PCDH7: variants seen among roughly 807,000 people sequenced by gnomAD.
PCDH7 encodes protocadherin-7.
PCDH7 carries 17 observed loss-of-function variants against 58.9 expected under a neutral mutation model. The observed-to-expected ratio is 0.29, with a 90% CI of 0.20 to 0.43. The LOEUF is 0.43. PCDH7 is among the 20% of genes least tolerant of loss of function. The pLI is 1.00. For synonymous variants in PCDH7, 664 were observed against 616.4 expected (o/e 1.08, Z -1.14); for missense variants, 1,274 against 1,441.0 (o/e 0.88, Z 1.88).
chr4:30,861,968 T>G (rs2109354875), intron 1 of PCDH7, among the ~76,000 whole-genome samples: 1 of 152,208 alleles, frequency 6.6e-6, no homozygotes, highest in African/African-American at 2.4e-5. Flanking sequence ...CATGGGAAAA[T>G]ATAATCCTAC....
At chr4:31,139,243 T>C (rs1416068782) in intron 3 of PCDH7, among the ~76,000 whole-genome samples, 1 of 152,138 alleles carries the variant, frequency 6.6e-6, no homozygotes, top group Non-Finnish European at 1.5e-5. Context: ...AAAAATTCTC[T>C]AAGGAACTGG....
chr4:31,050,395 C>T (rs1756637284), intron 3 of PCDH7, among the ~76,000 whole-genome samples: 1 of 151,768 alleles, frequency 6.6e-6, no homozygotes, highest in African/African-American at 2.4e-5. Context: ...TTACATGACA[C>T]AATAATTGTA....
At chr4:30,800,215 G>A (rs1283521451) in intron 1 of PCDH7, among the ~76,000 whole-genome samples, 1 of 151,942 alleles carries the variant, frequency 6.6e-6, no homozygotes, top group Non-Finnish European at 1.5e-5. Context: ...CCTAATGTCA[G>A]TGTGGGGTCA....
chr4:30,850,878 A>C (rs182432733), intron 1 of PCDH7, among the ~76,000 whole-genome samples: 26 of 152,182 alleles, frequency 1.7e-4, no homozygotes, highest in African/African-American at 6.3e-4. Flanking sequence ...TGTTCTTCGG[A>C]TACCAGGCTG....
rs16884113 is a variant in PCDH7 at position 30,812,885 on chromosome 4, T to C, written c.70+88289T>C. ...CTAAGTAAACATGCACATATTAAAT[T>C]CTCTAACTGTCATAAATATAATCAG... On this transcript the variant is annotated intron_variant, in intron 1 of 3. Coordinates refer to the PCDH7 transcript ENST00000509759. Among the ~76,000 whole-genome samples the C allele has an allele frequency of 9.5e-3, 1,454 of 152,316 alleles. 31 individuals carry two copies. Among genetic ancestry groups the C allele is most frequent in the African/African-American group, 0.034 (1,396 of 41,576 alleles).
chr4:31,078,905 A>G (rs1309536198), intron 3 of PCDH7, among the ~76,000 whole-genome samples: 1 of 151,924 alleles, frequency 6.6e-6, no homozygotes, highest in Non-Finnish European at 1.5e-5. Flanking sequence ...AGAAGTTACA[A>G]AATAGGTCCA....
chr4:30,855,399 A>G (rs1733327805), intron 1 of PCDH7, among the ~76,000 whole-genome samples: 1 of 152,088 alleles, frequency 6.6e-6, no homozygotes, highest in Non-Finnish European at 1.5e-5. Flanking sequence ...TGTGATTGTG[A>G]CATGTACACT....
chr4:30,721,893 G>T lies in PCDH7; in HGVS notation c.471G>T (p.Pro157=), dbSNP rs1247278942. The T allele has an allele frequency of 1.9e-6, 3 of 1,591,566 alleles. No individual in the cohort carries two copies. Among genetic ancestry groups the T allele is most frequent in the African/African-American group, 1.3e-5 (1 of 74,592 alleles). Residue 157 remains proline (P), a synonymous_variant, in exon 1 of 2, where the codon CCG becomes CCT. Transcript: ENST00000361762. This position sits in a 1 kb window ranked among gnomAD's most constrained non-coding sequence, Gnocchi z 6.7. ...CGCTCACGGTGGAGGAGAATCGGCC[G>T]GTGGGCACACTTTACCTGCTGCCCA... is the stretch of plus-strand genomic sequence containing the variant.
chr4:31,054,796 A>G (rs973574729), intron 3 of PCDH7, among the ~76,000 whole-genome samples: 2 of 152,120 alleles, frequency 1.3e-5, no homozygotes, highest in Non-Finnish European at 2.9e-5. Context: ...TTTTGTTGGT[A>G]TCGTTCAGGT....
At chr4:30,824,623 G>T (rs1174459874) in intron 1 of PCDH7, among the ~76,000 whole-genome samples, 3 of 152,032 alleles carry the variant, frequency 2.0e-5, no homozygotes, top group African/African-American at 7.2e-5. Flanking sequence ...CTATGATCAA[G>T]AGTACGGTTT....
chr4:30,969,333 A>G (rs1749332034), intron 3 of PCDH7, among the ~76,000 whole-genome samples: 1 of 152,180 alleles, frequency 6.6e-6, no homozygotes, highest in African/African-American at 2.4e-5. Flanking sequence ...ATTTCTTGAT[A>G]AGAAAGAAGC....
At chr4:30,825,485 C>T (rs1199073975) in intron 1 of PCDH7, among the ~76,000 whole-genome samples, 2 of 152,114 alleles carry the variant, frequency 1.3e-5, no homozygotes, top group Non-Finnish European at 2.9e-5. Flanking sequence ...TAAGGAACTA[C>T]TTCATCAAAA....
At chr4:31,046,621 T>C (rs1756313642) in intron 3 of PCDH7, among the ~76,000 whole-genome samples, 1 of 152,058 alleles carries the variant, frequency 6.6e-6, no homozygotes, top group Non-Finnish European at 1.5e-5. Flanking sequence ...TTTTAAAGCA[T>C]TTCCAAAAGT....
chr4:31,015,500 T>C (rs541798330), intron 3 of PCDH7, among the ~76,000 whole-genome samples: 2 of 152,228 alleles, frequency 1.3e-5, no homozygotes, highest in South Asian at 4.1e-4. Context: ...AAAATACATA[T>C]ATAAAAATCA....
rs141387856 is a variant in PCDH7 at position 30,804,584 on chromosome 4, T to G, written c.70+79988T>G. Among the ~76,000 whole-genome samples the G allele has an allele frequency of 3.3e-3, 498 of 151,776 alleles. 3 individuals are homozygous for G. The highest frequency in any genetic ancestry group is 0.011 in the African/African-American group (472 of 41,416). ...GGCATAGGTATATTTTGAAATGAGT[T>G]TAAGTTTTATTCTGCCATGTGAGGA... is the stretch of plus-strand genomic sequence containing the variant. On this transcript the variant is annotated intron_variant, in intron 1 of 3. Transcript: ENST00000509759.
At chr4:31,106,810 C>T (rs1715635840) in intron 3 of PCDH7, among the ~76,000 whole-genome samples, 1 of 152,128 alleles carries the variant, frequency 6.6e-6, no homozygotes, top group African/African-American at 2.4e-5. Context: ...GGATAGTATT[C>T]TATTTCTGGA....
chr4:30,764,177 G>GGA (rs1411566294), intron 1 of PCDH7, among the ~76,000 whole-genome samples: 3 of 152,108 alleles, frequency 2.0e-5, no homozygotes, highest in African/African-American at 7.2e-5. Flanking sequence ...TATGTGTCCA[G>GGA]GAGAGAATCC....
chr4:31,138,228 C>T (rs934166273), intron 3 of PCDH7, among the ~76,000 whole-genome samples: 3 of 152,186 alleles, frequency 2.0e-5, no homozygotes, highest in Admixed American at 6.5e-5. Flanking sequence ...TCCATCTACC[C>T]TGCCTAGTAA....
chr4:31,075,424 A>G (rs1338477045), intron 3 of PCDH7, among the ~76,000 whole-genome samples: 1 of 152,208 alleles, frequency 6.6e-6, no homozygotes, highest in Non-Finnish European at 1.5e-5. Flanking sequence ...TATGTCTCTT[A>G]GTCTCCTAGA....
Sources: gnomAD v4.1 joint callset for allele counts (sites outside exome capture counted in the v4.1 genomes callset) on GRCh38, gnomAD v4.1.1 for gene constraint, Gnocchi (gnomAD v3.1) non-coding constraint, MANE v1.5 for transcripts, NCBI Gene and HGNC (gene_info 2026-07-23, HGNC 2026-07-21) for gene names.